Variants in SORCS3 observed in about 807,000 individuals in gnomAD.
The protein encoded by SORCS3 is sortilin related VPS10 domain containing receptor 3, also known as VPS10 domain-containing receptor SorCS3.
A neutral mutation model predicts 146.3 loss-of-function variants in SORCS3; 57 were observed. The ratio of observed to expected loss-of-function variants is 0.39; its 90% CI spans 0.31 to 0.49. The LOEUF (loss-of-function observed/expected upper bound fraction) is 0.49. Among genes scored for constraint, SORCS3 ranks in the 20% least tolerant of loss-of-function variants. The pLI is 0.92. For missense variants in SORCS3, 1,341 were observed against 1,575.5 expected (o/e 0.85, Z 2.52); for synonymous variants, 653 against 618.5 (o/e 1.06, Z -0.83).
chr10:104,709,256 T>G (rs143518327), intron 1 of SORCS3, among the ~76,000 whole-genome samples: 45 of 152,290 alleles, frequency 3.0e-4, no homozygotes, highest in African/African-American at 1.0e-3. Flanking sequence ...ATGCGTCACA[T>G]GGAATTCATT....
chr10:104,891,014 G>A (rs547416985), intron 2 of SORCS3, among the ~76,000 whole-genome samples: 1 of 152,184 alleles, frequency 6.6e-6, no homozygotes, highest in Non-Finnish European at 1.5e-5. Context: ...CTTATTGGGT[G>A]CTGGATATTT....
chr10:104,645,697 G>T (rs960433270), intron 1 of SORCS3, among the ~76,000 whole-genome samples: 26 of 152,168 alleles, frequency 1.7e-4, no homozygotes, highest in African/African-American at 6.0e-4. Context: ...AGATCACCCT[G>T]CCCTGAGCGT....
intron 2 of SORCS3, among the ~76,000 whole-genome samples, chr10:104,902,410 G>A (rs2018860847): frequency 3.3e-5 from 5 of 152,222 alleles, no homozygotes; most frequent in Admixed American, 3.3e-4. Context: ...TGTGTATGTT[G>A]AGGGGAGTGG....
chr10:104,863,943 T>A (rs1288933494), intron 2 of SORCS3, among the ~76,000 whole-genome samples: 2 of 152,292 alleles, frequency 1.3e-5, no homozygotes, highest in Admixed American at 6.5e-5. Context: ...AGTTGCCAGA[T>A]TGCCTATCAG....
intron 3 of SORCS3, among the ~76,000 whole-genome samples, chr10:104,962,598 C>T (rs2054802352): frequency 6.6e-6 from 1 of 152,182 alleles, no homozygotes; most frequent in African/African-American, 2.4e-5. Flanking sequence ...ACCTGTCCTG[C>T]ACCACGAGTT....
chr10:105,217,174 G>C (rs778787503), intron 19 of SORCS3, 52 bp downstream of exon 19: 2 of 1,587,228 alleles, frequency 1.3e-6, no homozygotes, highest in South Asian at 1.1e-5. Flanking sequence ...TTGGCAACTT[G>C]CTCTGTTCAG....
chr10:105,045,516 T>C (rs1431972080), intron 5 of SORCS3, among the ~76,000 whole-genome samples: 2 of 152,102 alleles, frequency 1.3e-5, no homozygotes, highest in African/African-American at 4.8e-5. Flanking sequence ...AAGAGCTTAT[T>C]TTACATAGAC....
chr10:105,119,464 C>T (rs942726386), intron 7 of SORCS3, among the ~76,000 whole-genome samples: 46 of 152,270 alleles, frequency 3.0e-4, no homozygotes, highest in African/African-American at 1.1e-3. Context: ...AAGAGGGCCA[C>T]CATCCTCCAG....
At chr10:104,642,022 G>GCCCCCC in intron 1 of SORCS3, 68 bp downstream of exon 1, 12 of 173,334 alleles carry the variant, frequency 6.9e-5, no homozygotes, top group Middle Eastern at 1.4e-3. Context: ...GGGTGGGTGG[G>GCCCCCC]AGCGAGGGAC....
chr10:105,016,732 T>C (rs1029893332), intron 4 of SORCS3, among the ~76,000 whole-genome samples: 5 of 152,146 alleles, frequency 3.3e-5, no homozygotes, highest in Admixed American at 1.3e-4. Context: ...CTACCGCCAA[T>C]GTAGACAGTA....
intron 1 of SORCS3, among the ~76,000 whole-genome samples, chr10:104,758,313 G>A (rs1564676842): frequency 6.6e-6 from 1 of 152,118 alleles, no homozygotes; most frequent in African/African-American, 2.4e-5. Flanking sequence ...TTCATTCCTG[G>A]ACTTTATTTT....
intron 4 of SORCS3, among the ~76,000 whole-genome samples, chr10:105,003,822 C>T (rs1433118339): frequency 2.6e-5 from 4 of 152,146 alleles, no homozygotes; most frequent in South Asian, 4.1e-4. Context: ...CAGTTCAGCC[C>T]TTAGAACTGG....
chr10:105,049,393 C>T (rs1323590753), intron 5 of SORCS3, among the ~76,000 whole-genome samples: 1 of 151,936 alleles, frequency 6.6e-6, no homozygotes, highest in African/African-American at 2.4e-5. Context: ...CCCCTTACAC[C>T]CACACACTTC....
At chr10:104,923,821 G>T (rs1218722402) in intron 3 of SORCS3, among the ~76,000 whole-genome samples, 1 of 152,180 alleles carries the variant, frequency 6.6e-6, no homozygotes, top group Admixed American at 6.5e-5. Flanking sequence ...AGAAGTCTCT[G>T]TTAGTGCTAG....
chr10:104,847,860 T>C (rs758258762), intron 2 of SORCS3, among the ~76,000 whole-genome samples: 1 of 152,144 alleles, frequency 6.6e-6, no homozygotes, highest in Non-Finnish European at 1.5e-5. Context: ...ATTCTTCCTG[T>C]ATGCCTGGCT....
intron 1 of SORCS3, among the ~76,000 whole-genome samples, chr10:104,671,641 G>A (rs994184521): frequency 2.0e-5 from 3 of 151,848 alleles, no homozygotes; most frequent in African/African-American, 7.3e-5. Context: ...CCTGGCTGGG[G>A]TAGTTTCCTT....
intron 5 of SORCS3, among the ~76,000 whole-genome samples, chr10:105,055,358 A>G (rs2055439208): frequency 6.6e-6 from 1 of 152,178 alleles, no homozygotes; most frequent in South Asian, 2.1e-4. Flanking sequence ...AAGTTATTAG[A>G]AGAGTGTGAT....
intron 1 of SORCS3, among the ~76,000 whole-genome samples, chr10:104,648,170 G>A (rs892180525): frequency 5.9e-5 from 9 of 152,186 alleles, no homozygotes; most frequent in Non-Finnish European, 1.0e-4. Context: ...GATCCCTGTG[G>A]GACATACTAC....
intron 1 of SORCS3, among the ~76,000 whole-genome samples, chr10:104,702,476 T>C (rs1314695058): frequency 6.6e-6 from 1 of 152,096 alleles, no homozygotes; most frequent in Non-Finnish European, 1.5e-5. Context: ...TCAGTAGAGA[T>C]GGGGTTTCAC....
Sources: gnomAD v4.1 joint callset for allele counts (sites outside exome capture counted in the v4.1 genomes callset) on GRCh38, gnomAD v4.1.1 for gene constraint, MANE v1.5 for transcripts, NCBI Gene and HGNC (gene_info 2026-07-23, HGNC 2026-07-21) for gene names.